The following CEP112 variants were observed in gnomAD, a reference collection of about 807,000 sequenced individuals.
CEP112 encodes centrosomal protein of 112 kDa.
A neutral mutation model predicts 153.0 loss-of-function variants in CEP112; 127 were observed. The observed-to-expected ratio is 0.83, with a 90% CI of 0.72 to 0.96. The LOEUF (loss-of-function observed/expected upper bound fraction) is 0.96, where lower values mean the gene tolerates loss of function less well. Ranked by LOEUF, CEP112 falls within the 40% of genes least tolerant of loss-of-function variation. CEP112 has a pLI of 0.00. For missense variants in CEP112, 1,089 were observed against 1,101.2 expected, an observed-to-expected ratio of 0.99 and a Z score of 0.16; for synonymous variants, 358 against 374.4, an observed-to-expected ratio of 0.96 and a Z score of 0.51.
At chr17:66,183,750 T>G (rs2072814607) in intron 1 of CEP112, among the ~76,000 whole-genome samples, 1 of 151,852 alleles carries the variant, frequency 6.6e-6, no homozygotes, top group African/African-American at 2.4e-5. Flanking sequence ...AATGATGTCA[T>G]AACAATTGGA....
At position 65,813,013 on chromosome 17, in the gene CEP112, C is replaced by T. The variant is rs530121793; in HGVS notation, c.2394+38791G>A. ...CAGTGCAAATTAAAGCAGAGAGAAA[C>T]AATCTAGAATAAAACATTATTTCAA... On this transcript the variant is annotated intron_variant, in intron 21 of 26. Transcript: ENST00000535342. 6.6e-5 allele frequency among the ~76,000 whole-genome samples: 10 copies of T among 152,074 alleles called. No individual in the cohort carries two copies. In the South Asian group the frequency reaches 1.0e-3, roughly 16 times the overall value.
chr17:65,858,685 C>T (rs1411971640), intron 20 of CEP112, among the ~76,000 whole-genome samples: 2 of 152,174 alleles, frequency 1.3e-5, no homozygotes, highest in African/African-American at 4.8e-5. Context: ...TGGTTGCCTA[C>T]TTCATTAACA....
chr17:65,679,367 G>A (rs185283470), intron 24 of CEP112, among the ~76,000 whole-genome samples: 12 of 151,736 alleles, frequency 7.9e-5, no homozygotes, highest in South Asian at 6.3e-4. Context: ...AAAATTACTC[G>A]AAACAAACCA....
intron 24 of CEP112, among the ~76,000 whole-genome samples, chr17:65,664,950 C>T (rs1320231026): frequency 1.3e-5 from 2 of 152,206 alleles, no homozygotes; most frequent in African/African-American, 2.4e-5. Flanking sequence ...CAGATGGCTG[C>T]CTCCTTACTG....
chr17:65,652,393 C>A (rs1427119351), intron 24 of CEP112, among the ~76,000 whole-genome samples: 1 of 151,804 alleles, frequency 6.6e-6, no homozygotes, highest in Non-Finnish European at 1.5e-5. Context: ...TGATTTAACA[C>A]CTGCAAAATT....
intron 21 of CEP112, among the ~76,000 whole-genome samples, chr17:65,837,958 G>A (rs1016775567): frequency 3.3e-5 from 5 of 152,156 alleles, no homozygotes; most frequent in South Asian, 2.1e-4. Context: ...TGCGGAAGGC[G>A]GCAGGGCCCT....
At chr17:65,797,272 A>T (rs1329980607) in intron 21 of CEP112, 1 of 152,260 alleles carries the variant, frequency 6.6e-6, no homozygotes, top group Admixed American at 6.5e-5. Context: ...GCCCGGACAC[A>T]ACTTGTTGAT....
chr17:65,746,675 T>A (rs1192483399), intron 22 of CEP112, among the ~76,000 whole-genome samples: 1 of 152,148 alleles, frequency 6.6e-6, no homozygotes, highest in Admixed American at 6.5e-5. Flanking sequence ...GTGGTAGAAC[T>A]ATAATCATGG....
At chr17:65,862,216 A>G (rs1263462032) in intron 20 of CEP112, among the ~76,000 whole-genome samples, 1 of 152,200 alleles carries the variant, frequency 6.6e-6, no homozygotes, top group Non-Finnish European at 1.5e-5. Flanking sequence ...AATTATGAAT[A>G]ATGGTTAACT....
intron 12 of CEP112, among the ~76,000 whole-genome samples, chr17:66,044,591 C>T (rs112782637): frequency 1.7e-3 from 258 of 152,236 alleles, no homozygotes; most frequent in Non-Finnish European, 2.5e-3. Context: ...TGACATTATG[C>T]GAAGTGAAAT....
chr17:66,006,217 C>T (rs1179060161), intron 16 of CEP112, among the ~76,000 whole-genome samples: 1 of 152,018 alleles, frequency 6.6e-6, no homozygotes, highest in Non-Finnish European at 1.5e-5. Context: ...AAGGAAACTG[C>T]CACCCCTCCC....
intron 6 of CEP112, among the ~76,000 whole-genome samples, chr17:66,119,864 C>G (rs546561525): frequency 1.5e-4 from 23 of 152,256 alleles, no homozygotes; most frequent in African/African-American, 5.5e-4. Flanking sequence ...GTTCCAGTTG[C>G]TCCTCATCCT....
chr17:66,021,607 G>T (rs890482853), intron 16 of CEP112, among the ~76,000 whole-genome samples: 4 of 152,148 alleles, frequency 2.6e-5, no homozygotes, highest in African/African-American at 9.7e-5. Flanking sequence ...CCTGGAGTAG[G>T]CATGTGGGAC....
intron 5 of CEP112, among the ~76,000 whole-genome samples, chr17:66,131,730 G>C (rs1450771366): frequency 6.6e-6 from 1 of 152,072 alleles, no homozygotes; most frequent in Non-Finnish European, 1.5e-5. Flanking sequence ...CTGGGCGACA[G>C]AGCAAGACTC....
intron 17 of CEP112, among the ~76,000 whole-genome samples, chr17:66,001,869 T>C (rs2145404057): frequency 6.6e-6 from 1 of 152,268 alleles, no homozygotes; most frequent in Admixed American, 6.5e-5. Context: ...TACTTATCTT[T>C]GAAAAATGAA....
intron 5 of CEP112, 44 bp downstream of exon 5, chr17:66,132,626 A>T: frequency 7.3e-7 from 1 of 1,375,588 alleles, no homozygotes; most frequent in Non-Finnish European, 1.0e-6. Context: ...CAGCTATTTT[A>T]AAACAACAAG....
At chr17:65,790,105 T>C (rs2054507907) in intron 21 of CEP112, among the ~76,000 whole-genome samples, 1 of 152,278 alleles carries the variant, frequency 6.6e-6, no homozygotes, top group East Asian at 1.9e-4. Flanking sequence ...GATTAGACAG[T>C]TTGCTACTGA....
intron 11 of CEP112, 119 bp from the exon 12 acceptor site, chr17:66,053,998 A>G (rs948128803): frequency 2.0e-5 from 12 of 611,118 alleles, no homozygotes; most frequent in Middle Eastern, 4.9e-4. Context: ...CTGAACACCA[A>G]AAGATACAAA....
At chr17:65,805,729 T>C (rs1274066295) in intron 21 of CEP112, among the ~76,000 whole-genome samples, 4 of 152,216 alleles carry the variant, frequency 2.6e-5, no homozygotes, top group Admixed American at 6.5e-5. Context: ...AAACAATCTC[T>C]TTAAAACTCT....
Sources: gnomAD v4.1 joint callset for allele counts (sites outside exome capture counted in the v4.1 genomes callset) on GRCh38, gnomAD v4.1.1 for gene constraint, MANE v1.5 for transcripts, NCBI Gene and HGNC (gene_info 2026-07-23, HGNC 2026-07-21) for gene names.